ARID3C: variants seen among roughly 807,000 people sequenced by gnomAD.
The protein encoded by ARID3C is AT-rich interaction domain 3C, also known as AT-rich interactive domain-containing protein 3C.
Under a neutral mutation model 37.9 loss-of-function variants are expected in ARID3C, and 42 were observed. That is an observed-to-expected ratio of 1.11 (90% confidence interval 0.87 to 1.43). The LOEUF (loss-of-function observed/expected upper bound fraction) is 1.43. ARID3C is among the 40% of genes most tolerant of loss of function. ARID3C has a pLI of 0.00. For synonymous variants in ARID3C, 213 were observed against 228.0 expected, an observed-to-expected ratio of 0.93 and a Z score of 0.59; for missense variants, 581 against 548.8, an observed-to-expected ratio of 1.06 and a Z score of -0.59.
rs150083158 is a variant in ARID3C, at chr9:34,621,872, G to A, written c.1138+148C>T. On this transcript the variant is annotated intron_variant, in intron 6 of 6. Transcript: ENST00000378909. The stretch of plus-strand genomic sequence containing the variant: ...CATGTAGACACCCCCTTTAACCCAT[G>A]CCAGTCTAGCAATCCCCTGAACTCC... 3.0e-5 allele frequency: 24 copies of A among 805,654 alleles called. No homozygotes were observed. The Middle Eastern group carries it at 1.4e-3, about 46-fold the overall frequency. The allele number at this position is 805,654 out of a possible 1,614,324, so 49.9% of individuals were successfully genotyped here.
chr9:34,627,291 T>C (rs1820668635), intron 1 of ARID3C, among the ~76,000 whole-genome samples: 1 of 152,150 alleles, frequency 6.6e-6, no homozygotes, highest in African/African-American at 2.4e-5. Flanking sequence ...TGTGACTTGA[T>C]GTGTGAGAAG....
exon 4 of ARID3C, chr9:34,623,514 G>C (rs1460524289): frequency 6.4e-6 from 10 of 1,561,428 alleles, no homozygotes; most frequent in Non-Finnish European, 8.6e-6. Flanking sequence ...GCTGGACTGG[G>C]TCGCCGGAGG....
rs1820645173 is a variant in ARID3C, at chr9:34,625,677, C to T, written c.391+65G>A. The T allele has an allele frequency of 1.8e-5, 28 of 1,590,028 alleles. 1 individual carries two copies. The highest frequency in any genetic ancestry group is 2.1e-5 in the Non-Finnish European group (24 of 1,160,712). On this transcript the variant is annotated intron_variant, in intron 2 of 6. Coordinates refer to ENST00000378909, the Ensembl canonical transcript of ARID3C. Reference sequence around the variant, plus strand: ...TCAGGCCTCAGCAGGGAGAACCCAACCGGGTTTCCTCAAACCTGGTAAGGG... The same window carrying T: ...TCAGGCCTCAGCAGGGAGAACCCAATCGGGTTTCCTCAAACCTGGTAAGGG...
chr9:34,623,280 C>G, intron 4 of ARID3C, 145 bp downstream of exon 5: 2 of 1,011,826 alleles, frequency 2.0e-6, no homozygotes, highest in Non-Finnish European at 2.7e-6. Context: ...TAGTGACCCC[C>G]AAACCTCAGA....
chr9:34,630,226 C>T (rs1820711119), upstream of ARID3C, among the ~76,000 whole-genome samples: 1 of 152,180 alleles, frequency 6.6e-6, no homozygotes, highest in Non-Finnish European at 1.5e-5. Context: ...ACCCCCTCAG[C>T]CCACTGCTTT....
intron 4 of ARID3C, 132 bp downstream of exon 5, chr9:34,623,293 C>A (rs1820602259): frequency 3.6e-6 from 4 of 1,116,914 alleles, no homozygotes; most frequent in Non-Finnish European, 4.8e-6. Flanking sequence ...ACCTCAGAAG[C>A]CCGTCAGACC....
At chr9:34,627,673 G>C in intron 1 of ARID3C, 24 bp downstream of exon 2, 2 of 1,563,368 alleles carry the variant, frequency 1.3e-6, no homozygotes. Context: ...GAAGAGGGCC[G>C]GACATTGAGG....
chr9:34,627,913 G>A, exon 1 of ARID3C: 1 of 1,558,758 alleles, frequency 6.4e-7, no homozygotes, highest in Non-Finnish European at 8.7e-7. Context: ...GGGTCCGGTG[G>A]TCAGGCAGGG....
chr9:34,622,368 G>C (rs376819892), exon 5 of ARID3C: 12 of 1,610,744 alleles, frequency 7.4e-6, no homozygotes, highest in Non-Finnish European at 1.0e-5. Context: ...ACCTTGCCAC[G>C]GGGCAGGAAA....
chr9:34,624,159 TG>T, intron 2 of ARID3C, 112 bp from the exon 4 acceptor site: 2 of 1,287,052 alleles, frequency 1.6e-6, no homozygotes, highest in Non-Finnish European at 2.1e-6. Context: ...GAGGGAGACT[TG>T]GGCGGAGCCC....
upstream of ARID3C, among the ~76,000 whole-genome samples, chr9:34,632,833 T>A (rs142718211): frequency 6.6e-6 from 1 of 152,078 alleles, no homozygotes; most frequent in Middle Eastern, 3.2e-3. Context: ...AAGTCTGAGA[T>A]ACCTATTAGA....
chr9:34,632,701 CAG>C (rs2132318615), upstream of ARID3C, among the ~76,000 whole-genome samples: 3 of 152,236 alleles, frequency 2.0e-5, no homozygotes, highest in South Asian at 6.2e-4. Context: ...ATGAGAGAAA[CAG>C]ATGTGTCCAA....
Position 34,623,995 on chromosome 9 carries a change from G to C in ARID3C, c.444C>G (p.Tyr148Ter), listed in dbSNP as rs757382174. Residue 148 changes from tyrosine to a stop codon, truncating the protein, a stop_gained, in exon 3 of 7, where the codon TAC (tyrosine) becomes TAG (stop). Transcript: ENST00000378909. LOFTEE classifies it high-confidence loss of function. ...TGGCGGTCACCAGGCGAAACAGAGCGTACAGGTCGAGCACCTGCTTCGCCA... is the reference window on the plus strand; with the variant it reads ...TGGCGGTCACCAGGCGAAACAGAGCCTACAGGTCGAGCACCTGCTTCGCCA... The C allele has an allele frequency of 6.2e-7, 1 of 1,602,340 alleles. No homozygotes were observed. The highest frequency in any genetic ancestry group is 1.7e-5 in the Admixed American group (1 of 59,412).
chr9:34,630,218 C>G (rs886885479), upstream of ARID3C, among the ~76,000 whole-genome samples: 7 of 152,146 alleles, frequency 4.6e-5, no homozygotes, highest in Non-Finnish European at 7.3e-5. Context: ...ATCTCCAGAC[C>G]CCCTCAGCCC....
At chr9:34,624,804 C>T (rs185982026) in intron 2 of ARID3C, among the ~76,000 whole-genome samples, 73 of 152,348 alleles carry the variant, frequency 4.8e-4, no homozygotes, top group East Asian at 1.7e-3. Flanking sequence ...GCGGGACCCC[C>T]TCCCCCTGCA....
chr9:34,623,147 C>CAAAAAAAA (rs1334414839), intron 4 of ARID3C, among the ~76,000 whole-genome samples: 11 of 72,166 alleles, frequency 1.5e-4, no homozygotes, highest in East Asian at 8.7e-4. Context: ...CTCCGTCTCA[C>CAAAAAAAA]AAAAAAAAAA....
upstream of ARID3C, among the ~76,000 whole-genome samples, chr9:34,631,371 A>T (rs116916545): frequency 0.011 from 1,611 of 152,224 alleles, 14 homozygotes; most frequent in Admixed American, 0.025. Context: ...AATATGCTTG[A>T]CTGGGACTTG....
intron 3 of ARID3C, 37 bp downstream of exon 4, chr9:34,623,827 G>A (rs766858093): frequency 1.3e-4 from 64 of 506,100 alleles, no homozygotes; most frequent in Non-Finnish European, 2.0e-4. Flanking sequence ...GGCCGAACCC[G>A]TGCCCCCTTC....
At chr9:34,625,905 T>C in intron 1 of ARID3C, 91 bp from the exon 3 acceptor site, 1 of 1,399,624 alleles carries the variant, frequency 7.1e-7, no homozygotes. Context: ...CAAGGGTCCC[T>C]AGCTGAAGGA....
Sources: gnomAD v4.1 joint callset for allele counts (sites outside exome capture counted in the v4.1 genomes callset) on GRCh38, gnomAD v4.1.1 for gene constraint, MANE v1.5 for transcripts, NCBI Gene and HGNC (gene_info 2026-07-23, HGNC 2026-07-21) for gene names.